PXDNL: variants seen among roughly 807,000 people sequenced by gnomAD.
PXDNL encodes the protein peroxidasin like.
A neutral mutation model predicts 150.8 loss-of-function variants in PXDNL; 145 were observed. The ratio of observed to expected loss-of-function variants is 0.96; its 90% CI spans 0.84 to 1.10. The LOEUF is 1.10. PXDNL is among the 50% of genes least tolerant of loss of function. The probability of loss-of-function intolerance (pLI) is 0.00; values close to 1 mark genes in which losing one functional copy is unlikely to be tolerated. For synonymous variants in PXDNL, 757 were observed against 725.7 expected (o/e 1.04, Z -0.69); for missense variants, 2,087 against 1,873.9 (o/e 1.11, Z -2.10).
intron 1 of PXDNL, among the ~76,000 whole-genome samples, chr8:51,698,355 A>G (rs1266738418): frequency 1.3e-5 from 2 of 152,228 alleles, no homozygotes; most frequent in Non-Finnish European, 2.9e-5. Context: ...CATTTCAACA[A>G]TGTTCACAGC....
chr8:51,323,955 A>AAG (rs555092626), intron 21 of PXDNL, among the ~76,000 whole-genome samples: 1 of 150,774 alleles, frequency 6.6e-6, no homozygotes, highest in Non-Finnish European at 1.5e-5. Context: ...AAATAAAAAA[A>AAG]AAAAGAATCT....
intron 1 of PXDNL, among the ~76,000 whole-genome samples, chr8:51,722,490 G>C (rs1051401791): frequency 6.6e-6 from 1 of 152,206 alleles, no homozygotes; most frequent in African/African-American, 2.4e-5. Context: ...TGGTACCTGG[G>C]TCCTTGTTCA....
chr8:51,784,934 G>A (rs865908894), intron 1 of PXDNL, among the ~76,000 whole-genome samples: 12 of 152,052 alleles, frequency 7.9e-5, no homozygotes, highest in African/African-American at 2.9e-4. Flanking sequence ...TATAGGTTTT[G>A]CTTATTGAAA....
chr8:51,387,555 C>T (rs1004544777), intron 17 of PXDNL, among the ~76,000 whole-genome samples: 5 of 152,134 alleles, frequency 3.3e-5, no homozygotes, highest in East Asian at 1.9e-4. Flanking sequence ...AGATTTTTGC[C>T]GGTTCTAAGC....
intron 1 of PXDNL, among the ~76,000 whole-genome samples, chr8:51,688,496 T>C (rs965389296): frequency 1.3e-5 from 2 of 152,062 alleles, no homozygotes; most frequent in African/African-American, 4.8e-5. Context: ...GATAAGAAAG[T>C]TGAACAAACA....
intron 1 of PXDNL, among the ~76,000 whole-genome samples, chr8:51,719,705 T>A (rs1816690908): frequency 6.6e-6 from 1 of 152,082 alleles, no homozygotes; most frequent in African/African-American, 2.4e-5. Flanking sequence ...CATGATTTTT[T>A]TAAAAAAATA....
At chr8:51,412,309 T>C (rs780360089) in intron 15 of PXDNL, among the ~76,000 whole-genome samples, 29 of 152,290 alleles carry the variant, frequency 1.9e-4, no homozygotes, top group Non-Finnish European at 3.8e-4. Flanking sequence ...TTTTACATAT[T>C]ATCTTATTTT....
chr8:51,592,981 AC>A (rs1813478180), intron 2 of PXDNL, among the ~76,000 whole-genome samples: 1 of 152,216 alleles, frequency 6.6e-6, no homozygotes, highest in Non-Finnish European at 1.5e-5. Flanking sequence ...CCTGAAGCAT[AC>A]CATCTAAAAA....
chr8:51,465,890 C>A (rs1362922606), intron 8 of PXDNL, among the ~76,000 whole-genome samples: 1 of 151,922 alleles, frequency 6.6e-6, no homozygotes, highest in Non-Finnish European at 1.5e-5. Context: ...TTGAAAGAAA[C>A]CACAGATGAC....
Position 51,649,582 on chromosome 8 carries a change from A to G in PXDNL, c.236+5107T>C, listed in dbSNP as rs938179147. 1.6e-4 allele frequency among the ~76,000 whole-genome samples: 24 copies of G among 152,096 alleles called. 1 individual carries two copies. The highest frequency in any genetic ancestry group is 5.9e-5 in the Non-Finnish European group (4 of 68,020). Reference sequence around the variant, plus strand: ...CACCTACCACAACACTTCACACATAACATGTTTACAATAAAGAGAAAATCC... The same window carrying G: ...CACCTACCACAACACTTCACACATAGCATGTTTACAATAAAGAGAAAATCC... On this transcript the variant is annotated intron_variant, in intron 2 of 22. Coordinates refer to ENST00000356297, the MANE Select transcript of PXDNL (RefSeq NM_144651.5).
intron 1 of PXDNL, among the ~76,000 whole-genome samples, chr8:51,711,192 G>A (rs375565201): frequency 6.6e-6 from 1 of 152,178 alleles, no homozygotes; most frequent in African/African-American, 2.4e-5. Context: ...CCAGGCGGGA[G>A]TGCAATGGTG....
chr8:51,643,996 A>T (rs1814842577), intron 2 of PXDNL, among the ~76,000 whole-genome samples: 1 of 151,624 alleles, frequency 6.6e-6, no homozygotes, highest in African/African-American at 2.4e-5. Context: ...AATACAAAAA[A>T]TTAGCCGGGC....
intron 1 of PXDNL, among the ~76,000 whole-genome samples, chr8:51,764,074 C>G (rs1443758578): frequency 1.3e-5 from 2 of 152,152 alleles, no homozygotes; most frequent in Non-Finnish European, 2.9e-5. Context: ...TTGTTCATCT[C>G]ATCTCGATTA....
chr8:51,506,145 T>G (rs1326071650), intron 4 of PXDNL, among the ~76,000 whole-genome samples: 1 of 152,208 alleles, frequency 6.6e-6, no homozygotes, highest in Non-Finnish European at 1.5e-5. Flanking sequence ...CCAAAATTCA[T>G]TATAAAGAGA....
At chr8:51,591,184 G>C (rs1169400885) in intron 3 of PXDNL, among the ~76,000 whole-genome samples, 1 of 152,064 alleles carries the variant, frequency 6.6e-6, no homozygotes, top group Non-Finnish European at 1.5e-5. Context: ...CTTGATCTTG[G>C]ACTTCCCAGC....
intron 1 of PXDNL, among the ~76,000 whole-genome samples, chr8:51,765,563 A>G (rs527851181): frequency 2.0e-5 from 3 of 152,330 alleles, no homozygotes; most frequent in African/African-American, 7.2e-5. Flanking sequence ...AATACAATAT[A>G]GTTGGTTCAT....
intron 8 of PXDNL, among the ~76,000 whole-genome samples, chr8:51,467,459 G>A (rs969653348): frequency 2.6e-5 from 4 of 151,988 alleles, no homozygotes; most frequent in African/African-American, 7.2e-5. Context: ...AGACACTGGG[G>A]AATACATGAT....
chr8:51,611,541 T>C (rs550679341), intron 2 of PXDNL, among the ~76,000 whole-genome samples: 1 of 152,338 alleles, frequency 6.6e-6, no homozygotes, highest in South Asian at 2.1e-4. Context: ...ATCTCAAAAA[T>C]CTAACAAGGG....
chr8:51,508,861 G>A (rs113832563), intron 4 of PXDNL, among the ~76,000 whole-genome samples: 32 of 152,272 alleles, frequency 2.1e-4, no homozygotes, highest in Non-Finnish European at 3.5e-4. Flanking sequence ...TCTCAGCTGA[G>A]GACCACACTT....
Sources: gnomAD v4.1 joint callset for allele counts (sites outside exome capture counted in the v4.1 genomes callset) on GRCh38, gnomAD v4.1.1 for gene constraint, MANE v1.5 for transcripts, NCBI Gene and HGNC (gene_info 2026-07-23, HGNC 2026-07-21) for gene names.